The following FRYL variants were observed in gnomAD, a reference collection of about 807,000 sequenced individuals.
The protein encoded by FRYL is protein furry homolog-like.
FRYL carries 150 observed loss-of-function variants against 351.2 expected under a neutral mutation model. The ratio of observed to expected loss-of-function variants is 0.43; its 90% CI spans 0.37 to 0.49. The LOEUF (loss-of-function observed/expected upper bound fraction) is 0.49, where lower values mean the gene tolerates loss of function less well. FRYL is among the 20% of genes least tolerant of loss of function. The pLI, the probability that FRYL is intolerant of heterozygous loss-of-function variation, is 0.00. For missense variants in FRYL, 3,036 were observed against 3,619.3 expected, an observed-to-expected ratio of 0.84 and a Z score of 4.13; for synonymous variants, 1,153 against 1,257.1, an observed-to-expected ratio of 0.92 and a Z score of 1.75.
At chr4:48,668,565 CTT>C (rs1294830551) in intron 3 of FRYL, among the ~76,000 whole-genome samples, 2 of 152,194 alleles carry the variant, frequency 1.3e-5, no homozygotes, top group African/African-American at 4.8e-5. Flanking sequence ...CTAGAGGACT[CTT>C]AACATTTATT....
At chr4:48,708,055 C>A (rs1383230244) in intron 2 of FRYL, among the ~76,000 whole-genome samples, 1 of 151,894 alleles carries the variant, frequency 6.6e-6, no homozygotes, top group African/African-American at 2.4e-5. Context: ...CTTCTGACCT[C>A]GTGATCAGCC....
chr4:48,627,927 C>A (rs563540565), intron 4 of FRYL, among the ~76,000 whole-genome samples: 3 of 152,224 alleles, frequency 2.0e-5, no homozygotes, highest in South Asian at 2.1e-4. Context: ...CCTACTACCA[C>A]GTCCAGCTAG....
chr4:48,580,302 C>A (rs1170142460), intron 22 of FRYL, among the ~76,000 whole-genome samples: 1 of 151,892 alleles, frequency 6.6e-6, no homozygotes, highest in Admixed American at 6.6e-5. Flanking sequence ...GACCTTTTAC[C>A]CAACCAAGAC....
chr4:48,697,067 A>G (rs1002733975), intron 2 of FRYL, among the ~76,000 whole-genome samples: 6 of 152,178 alleles, frequency 3.9e-5, no homozygotes, highest in Admixed American at 3.3e-4. Context: ...TAACTGAAGA[A>G]GAAGAATAAA....
chr4:48,529,322 T>C (rs1414945837), intron 50 of FRYL, among the ~76,000 whole-genome samples: 1 of 152,208 alleles, frequency 6.6e-6, no homozygotes, highest in Non-Finnish European at 1.5e-5. Context: ...CCATGTGTGA[T>C]TGCCTCTATA....
At chr4:48,733,578 C>T (rs1249648519) in intron 1 of FRYL, among the ~76,000 whole-genome samples, 1 of 152,036 alleles carries the variant, frequency 6.6e-6, no homozygotes, top group African/African-American at 2.4e-5. Flanking sequence ...TCCTAATTAA[C>T]TTACCAGGAA....
chr4:48,613,224 T>C (rs1748613512), intron 7 of FRYL, among the ~76,000 whole-genome samples: 1 of 152,208 alleles, frequency 6.6e-6, no homozygotes, highest in South Asian at 2.1e-4. Flanking sequence ...TGACTGTGTT[T>C]GACTGCAACC....
At chr4:48,592,877 T>C (rs1472659487) in intron 16 of FRYL, among the ~76,000 whole-genome samples, 2 of 152,160 alleles carry the variant, frequency 1.3e-5, no homozygotes, top group East Asian at 1.9e-4. Flanking sequence ...CATAAACACA[T>C]ACCTTAGGAT....
intron 1 of FRYL, among the ~76,000 whole-genome samples, chr4:48,726,507 C>T (rs1770104183): frequency 6.6e-6 from 1 of 152,054 alleles, no homozygotes; most frequent in African/African-American, 2.4e-5. Flanking sequence ...CATGGTGAAA[C>T]CCTGTCTCTA....
intron 53 of FRYL, among the ~76,000 whole-genome samples, chr4:48,525,196 T>TATATAC (rs759279145): frequency 0.011 from 1,521 of 132,476 alleles, 23 homozygotes; most frequent in East Asian, 0.046. Flanking sequence ...TATATATATA[T>TATATAC]ACACACACTT....
At chr4:48,556,184 T>C (rs1734085472) in intron 35 of FRYL, among the ~76,000 whole-genome samples, 1 of 152,340 alleles carries the variant, frequency 6.6e-6, no homozygotes, top group African/African-American at 2.4e-5. Context: ...CATGAGCCAC[T>C]GCGCCTGGCC....
At chr4:48,779,212 G>A (rs1776360944) in intron 1 of FRYL, among the ~76,000 whole-genome samples, 1 of 152,210 alleles carries the variant, frequency 6.6e-6, no homozygotes, top group Admixed American at 6.5e-5. Flanking sequence ...CCGCCCGGAA[G>A]CAACAACTTC....
rs763177700 is a variant in FRYL, at chr4:48,623,096, GA to G, written c.174+29del. On this transcript the variant is annotated intron_variant, in intron 5 of 63. Transcript: ENST00000358350. ...ATTAGGATGAACACTATTTCCAGGG[GA>G]AAAAAAAATTCTCCCAAAATTGTCA... is the stretch of plus-strand genomic sequence containing the variant. 3.4e-4 allele frequency: 490 copies of G among 1,455,962 alleles called. 1 individual carries two copies. Among genetic ancestry groups the G allele is most frequent in the Admixed American group, 6.5e-4 (32 of 49,484 alleles). The allele number at this position is 1,455,962 out of a possible 1,614,324, so 90.2% of individuals were successfully genotyped here. A position where few individuals can be genotyped will look rare whatever the true frequency, so the allele number is the denominator to read the frequency against.
intron 1 of FRYL, among the ~76,000 whole-genome samples, chr4:48,773,222 A>G (rs563591549): frequency 6.6e-6 from 1 of 152,328 alleles, no homozygotes; most frequent in South Asian, 2.1e-4. Flanking sequence ...TATTATTATA[A>G]GACGCAAGAT....
chr4:48,744,541 C>T (rs562378724), intron 1 of FRYL, among the ~76,000 whole-genome samples: 34 of 152,188 alleles, frequency 2.2e-4, no homozygotes, highest in Non-Finnish European at 4.3e-4. Flanking sequence ...TTGCATATGC[C>T]TGATTTTTTT....
intron 59 of FRYL, among the ~76,000 whole-genome samples, chr4:48,508,738 C>G (rs557203327): frequency 6.6e-6 from 1 of 152,152 alleles, no homozygotes; most frequent in Non-Finnish European, 1.5e-5. Flanking sequence ...CTGTTCTCCC[C>G]TACATGGCCT....
Position 48,498,158 on chromosome 4 carries a change from A to C in FRYL, c.*1264T>G, listed in dbSNP as rs1718813588. On this transcript the variant is annotated 3_prime_UTR_variant, in exon 64 of 64. Coordinates refer to ENST00000358350, the MANE Select transcript of FRYL (RefSeq NM_015030.2). Reference sequence around the variant, plus strand: ...AGTTCATGTTATACTACAGACTTAGACAGTGAATAAGTATATTGCATGTTT... The same window carrying C: ...AGTTCATGTTATACTACAGACTTAGCCAGTGAATAAGTATATTGCATGTTT... 1 of 151,986 alleles carries C rather than the reference A, an allele frequency of 6.6e-6. No individual in the cohort carries two copies. The highest frequency in any genetic ancestry group is 2.1e-4 in the South Asian group (1 of 4,826). 9.4% of individuals were successfully genotyped at this position (151,986 alleles called of 1,614,324 possible). A position where few individuals can be genotyped will look rare whatever the true frequency, so the allele number is the denominator to read the frequency against.
chr4:48,565,493 C>T (rs1736575048), intron 29 of FRYL, 38 bp downstream of exon 29: 1 of 1,475,804 alleles, frequency 6.8e-7, no homozygotes, highest in African/African-American at 1.4e-5. Flanking sequence ...CTTAACTCTG[C>T]TCTTAAGAAA....
intron 3 of FRYL, among the ~76,000 whole-genome samples, chr4:48,654,592 C>T (rs1263201516): frequency 6.6e-6 from 1 of 152,156 alleles, no homozygotes; most frequent in East Asian, 1.9e-4. Flanking sequence ...TCCTCTGCTG[C>T]GTGCAACTTA....
Sources: allele counts gnomAD v4.1 joint callset (sites outside exome capture counted in the v4.1 genomes callset), GRCh38; gene constraint gnomAD v4.1.1; transcripts MANE v1.5; gene names NCBI Gene and HGNC (gene_info 2026-07-23, HGNC 2026-07-21).